Variants in BBS9 observed in about 807,000 individuals in gnomAD.
The protein encoded by BBS9 is protein PTHB1.
A neutral mutation model predicts 117.7 loss-of-function variants in BBS9; 89 were observed. That is an observed-to-expected ratio of 0.76 (90% CI 0.64 to 0.90). The LOEUF is 0.90. Among genes scored for constraint, BBS9 ranks in the 40% least tolerant of loss-of-function variants. The pLI is 0.00. For missense variants in BBS9, 982 were observed against 1,042.2 expected, an observed-to-expected ratio of 0.94 and a Z score of 0.80; for synonymous variants, 379 against 370.9, an observed-to-expected ratio of 1.02 and a Z score of -0.25.
intron 18 of BBS9, 124 bp from the exon 19 acceptor site, chr7:33,387,868 T>G (rs947038672): frequency 8.2e-6 from 9 of 1,094,330 alleles, no homozygotes; most frequent in Non-Finnish European, 1.2e-5. Flanking sequence ...TTAATTCCCT[T>G]AACTCTATAA....
chr7:33,242,284 T>C (rs1210323687), intron 5 of BBS9, among the ~76,000 whole-genome samples: 1 of 152,146 alleles, frequency 6.6e-6, no homozygotes, highest in East Asian at 1.9e-4. Flanking sequence ...GGAATGCTAT[T>C]TACAAGTTCT....
chr7:33,209,936 T>G (rs1462521587), intron 5 of BBS9, among the ~76,000 whole-genome samples: 1 of 152,144 alleles, frequency 6.6e-6, no homozygotes, highest in Non-Finnish European at 1.5e-5. Flanking sequence ...TACTGATTTT[T>G]GGTTTGGTTT....
chr7:33,615,807 T>C (rs894041581), intron 21 of BBS9, among the ~76,000 whole-genome samples: 3 of 151,990 alleles, frequency 2.0e-5, no homozygotes, highest in Admixed American at 1.3e-4. Flanking sequence ...AGGAAATTCT[T>C]GAAAGAAGCT....
At chr7:33,616,896 A>T (rs1865165699) in intron 21 of BBS9, among the ~76,000 whole-genome samples, 1 of 151,944 alleles carries the variant, frequency 6.6e-6, no homozygotes, top group Non-Finnish European at 1.5e-5. Context: ...AATGTCGATT[A>T]TTCCACTTGC....
At chr7:33,559,217 G>A (rs973219372) in intron 21 of BBS9, among the ~76,000 whole-genome samples, 1 of 152,160 alleles carries the variant, frequency 6.6e-6, no homozygotes, top group Non-Finnish European at 1.5e-5. Context: ...TAGAAGACTA[G>A]GAATAAACAC....
chr7:33,320,797 A>G (rs1330532261), intron 9 of BBS9, among the ~76,000 whole-genome samples: 2 of 151,890 alleles, frequency 1.3e-5, no homozygotes, highest in Admixed American at 1.3e-4. Context: ...CTGAGGTGGG[A>G]TTATATCTCG....
chr7:33,279,619 T>A (rs1160460192), intron 9 of BBS9, among the ~76,000 whole-genome samples: 2 of 152,242 alleles, frequency 1.3e-5, no homozygotes, highest in Non-Finnish European at 2.9e-5. Context: ...TAAGATGTTT[T>A]TTTTCTTTCC....
intron 4 of BBS9, among the ~76,000 whole-genome samples, chr7:33,167,266 A>G (rs1393879359): frequency 3.3e-5 from 5 of 152,168 alleles, no homozygotes; most frequent in Admixed American, 3.3e-4. Flanking sequence ...TTCACATTGT[A>G]TATATAAACA....
intron 1 of BBS9, among the ~76,000 whole-genome samples, chr7:33,144,540 C>T (rs11760830): frequency 0.15 from 22,418 of 152,152 alleles, 1,937 homozygotes; most frequent in South Asian, 0.21. Context: ...GTTCTCATAC[C>T]GTAAACAAGT....
At chr7:33,569,614 T>C (rs1181496884) in intron 21 of BBS9, among the ~76,000 whole-genome samples, 2 of 150,362 alleles carry the variant, frequency 1.3e-5, no homozygotes, top group Non-Finnish European at 3.0e-5. Flanking sequence ...TACAAAAAAT[T>C]AGCTGGGAAG....
chr7:33,213,485 C>T (rs1788425677), intron 5 of BBS9, among the ~76,000 whole-genome samples: 1 of 152,202 alleles, frequency 6.6e-6, no homozygotes, highest in Non-Finnish European at 1.5e-5. Flanking sequence ...TCAGTGTGGC[C>T]AAGCTGGTAC....
intron 19 of BBS9, among the ~76,000 whole-genome samples, chr7:33,503,323 C>T (rs1479515683): frequency 6.6e-6 from 1 of 152,170 alleles, no homozygotes; most frequent in Admixed American, 6.5e-5. Flanking sequence ...CCGCAGAGTT[C>T]TCATCTGTGA....
intron 19 of BBS9, among the ~76,000 whole-genome samples, chr7:33,437,279 T>C (rs962101632): frequency 6.6e-6 from 1 of 152,206 alleles, no homozygotes; most frequent in African/African-American, 2.4e-5. Context: ...GGCTCACCCT[T>C]TGTGAAAGGC....
rs749474575 is a variant in BBS9 at position 33,349,051 on chromosome 7, A to C, written c.1330-17A>C. 6.5e-7 allele frequency: 1 copy of C among 1,528,742 alleles called. No homozygotes were observed. Among genetic ancestry groups the C allele is most frequent in the Non-Finnish European group, 9.1e-7 (1 of 1,102,874 alleles). The allele number at this position is 1,528,742 out of a possible 1,614,324, so 94.7% of individuals were successfully genotyped here. On this transcript the variant is annotated splice_polypyrimidine_tract_variant and intron_variant, in intron 12 of 22. Coordinates refer to ENST00000242067, the MANE Select transcript of BBS9 (RefSeq NM_198428.3). Reference sequence around the variant, plus strand: ...TAAAATGTAATTTTCTATTGATAACAATTTCTGTTTCCTTAGGTCACACTG... The same window carrying C: ...TAAAATGTAATTTTCTATTGATAACCATTTCTGTTTCCTTAGGTCACACTG...
At chr7:33,322,428 T>G (rs948481474) in intron 9 of BBS9, among the ~76,000 whole-genome samples, 1 of 147,604 alleles carries the variant, frequency 6.8e-6, no homozygotes, top group Non-Finnish European at 1.5e-5. Flanking sequence ...TTGTTTTTGG[T>G]CTGTTTAGGT....
At chr7:33,145,027 G>A (rs367997816) in intron 1 of BBS9, among the ~76,000 whole-genome samples, 6 of 152,228 alleles carry the variant, frequency 3.9e-5, no homozygotes, top group African/African-American at 4.8e-5. Context: ...ATTAAATAAG[G>A]TATCTTTAAA....
At chr7:33,594,739 A>G (rs1317953375) in intron 21 of BBS9, among the ~76,000 whole-genome samples, 1 of 152,118 alleles carries the variant, frequency 6.6e-6, no homozygotes, top group African/African-American at 2.4e-5. Context: ...CTGTATTAAG[A>G]GCACAGTAAG....
chr7:33,546,808 T>C (rs1487649133), intron 21 of BBS9, among the ~76,000 whole-genome samples: 1 of 152,192 alleles, frequency 6.6e-6, no homozygotes, highest in African/African-American at 2.4e-5. Flanking sequence ...TGCTAGTAAA[T>C]TTTCCATCTG....
rs562142126 is a variant in BBS9, at chr7:33,434,162, A to G, written c.2115+46018A>G. ...TTTGACCATATCTCTGGTTATTTCC[A>G]TAGGATAGATTTCTGGAAGTGAAAT... On this transcript the variant is annotated intron_variant, in intron 19 of 22. Coordinates refer to ENST00000242067, the MANE Select transcript of BBS9 (RefSeq NM_198428.3). 2.0e-5 allele frequency among the ~76,000 whole-genome samples: 3 copies of G among 151,792 alleles called. No homozygotes were observed. In the East Asian group the frequency reaches 5.8e-4, roughly 29 times the overall value.
Sources: allele counts gnomAD v4.1 joint callset (sites outside exome capture counted in the v4.1 genomes callset), GRCh38; gene constraint gnomAD v4.1.1; transcripts MANE v1.5; gene names NCBI Gene and HGNC (gene_info 2026-07-23, HGNC 2026-07-21).